The following PTPRB variants were observed in gnomAD, a reference collection of about 807,000 sequenced individuals.
The protein encoded by PTPRB is receptor-type tyrosine-protein phosphatase beta.
In PTPRB, 97 loss-of-function variants were observed where a neutral mutation model predicts 238.1. That is an observed-to-expected ratio of 0.41 (90% confidence interval 0.35 to 0.48). The LOEUF is 0.48. Among genes scored for constraint, PTPRB ranks in the 20% least tolerant of loss-of-function variants. The pLI, the probability that PTPRB is intolerant of heterozygous loss-of-function variation, is 0.30. For missense variants in PTPRB, 2,292 were observed against 2,681.9 expected, an observed-to-expected ratio of 0.85 and a Z score of 3.21; for synonymous variants, 970 against 995.4, an observed-to-expected ratio of 0.97 and a Z score of 0.48.
At chr12:70,540,796 G>T in intron 23 of PTPRB, 62 bp downstream of exon 23, 2 of 1,215,252 alleles carry the variant, frequency 1.6e-6, no homozygotes, top group Non-Finnish European at 2.3e-6. Context: ...CAGCCTAAAG[G>T]GAATTTTCAG....
At chr12:70,581,590 A>C (rs973310214) in intron 9 of PTPRB, among the ~76,000 whole-genome samples, 1 of 152,070 alleles carries the variant, frequency 6.6e-6, no homozygotes, top group Non-Finnish European at 1.5e-5. Flanking sequence ...TTAGATAATG[A>C]AGGCTGCTAT....
chr12:70,594,361 A>C, intron 6 of PTPRB, 106 bp downstream of exon 6: 5 of 1,414,244 alleles, frequency 3.5e-6, no homozygotes, highest in Non-Finnish European at 4.8e-6. Flanking sequence ...ACCTTATAAG[A>C]ATTTCAATTT....
rs186228297 is a variant in PTPRB, at chr12:70,588,355, C to T, written c.2051-1088G>A. 5.4e-3 allele frequency among the ~76,000 whole-genome samples: 820 copies of T among 151,950 alleles called. 7 individuals carry two copies. Among genetic ancestry groups the T allele is most frequent in the African/African-American group, 0.017 (699 of 41,474 alleles). ...GACACAGTTTAAGAAAAGTTTGGGC[C>T]GGGTGCAGTGCCTCATGCCAGTAAT... On this transcript the variant is annotated intron_variant, in intron 8 of 33. Transcript: ENST00000334414.
At chr12:70,614,769 CTGAGT>C (rs1884606100) in intron 3 of PTPRB, among the ~76,000 whole-genome samples, 1 of 152,170 alleles carries the variant, frequency 6.6e-6, no homozygotes, top group Non-Finnish European at 1.5e-5. Flanking sequence ...AAATCCTTTT[CTGAGT>C]TTTACTTCGA....
At chr12:70,534,754 G>C in intron 30 of PTPRB, 79 bp downstream of exon 30, 2 of 1,600,436 alleles carry the variant, frequency 1.2e-6, no homozygotes, top group Non-Finnish European at 1.7e-6. Context: ...AACTACAAGA[G>C]AGGAACCAGC....
intron 9 of PTPRB, among the ~76,000 whole-genome samples, chr12:70,584,511 A>T (rs1881692921): frequency 6.6e-6 from 1 of 152,230 alleles, no homozygotes; most frequent in Non-Finnish European, 1.5e-5. Context: ...AGTCATAGCA[A>T]ACAGACTCAT....
intron 2 of PTPRB, among the ~76,000 whole-genome samples, chr12:70,633,084 CA>C (rs1161794191): frequency 6.6e-6 from 1 of 152,100 alleles, no homozygotes; most frequent in East Asian, 1.9e-4. Context: ...GAAGAACACA[CA>C]AAAAAATTCA....
At chr12:70,593,961 A>G (rs1409177859) in intron 6 of PTPRB, among the ~76,000 whole-genome samples, 1 of 152,238 alleles carries the variant, frequency 6.6e-6, no homozygotes, top group African/African-American at 2.4e-5. Flanking sequence ...GAAAGTTTGT[A>G]TAAATTACTC....
At chr12:70,561,020 C>T in intron 16 of PTPRB, 86 bp from the exon 17 acceptor site, 2 of 1,374,012 alleles carry the variant, frequency 1.5e-6, no homozygotes, top group Middle Eastern at 1.8e-4. Context: ...CTATGTTGGG[C>T]ATGTGGGTGA....
chr12:70,618,635 T>C (rs1323739053), intron 3 of PTPRB, among the ~76,000 whole-genome samples: 1 of 152,240 alleles, frequency 6.6e-6, no homozygotes, highest in Non-Finnish European at 1.5e-5. Flanking sequence ...TAATAAGTTC[T>C]GGGACTAGGG....
At position 70,560,117 on chromosome 12, in the gene PTPRB, A is replaced by T. The variant is rs1166293357; in HGVS notation, c.4433-493T>A. On this transcript the variant is annotated intron_variant, in intron 17 of 33. Coordinates refer to ENST00000334414, the MANE Select transcript of PTPRB (RefSeq NM_001109754.4). The surrounding 1 kb of genome is among the most constrained non-coding windows in gnomAD (Gnocchi z 4.2). ...CTCCCAAAGTACTGGGATTATAGGCATGAGCCACGGTGCCCAGCCTCATAT... is the reference window on the plus strand; with the variant it reads ...CTCCCAAAGTACTGGGATTATAGGCTTGAGCCACGGTGCCCAGCCTCATAT... Among the ~76,000 whole-genome samples the T allele has an allele frequency of 1.3e-5, 2 of 152,166 alleles. No homozygotes were observed. The highest frequency in any genetic ancestry group is 6.5e-5 in the Admixed American group (1 of 15,274).
chr12:70,622,496 C>A lies in PTPRB; in HGVS notation c.602G>T (p.Ser201Ile), dbSNP rs925585664. Residue 201 changes from serine (S) to isoleucine (I), a missense_variant, in exon 3 of 34, where the codon AGC becomes ATC. Physicochemically the swap from Ser to Ile is moderately radical, Grantham distance 142. Around this residue, in one of 4 missense-constraint regions of PTPRB, gnomAD observed 1,205 missense variants for 1,287.8 expected, o/e 0.94. Transcript: ENST00000334414. ...ATGCTGCCTCTCGCTGCTGTTTTGGCTGTAGTTTTCTGCAGCATTTCTGAT... is the reference window on the plus strand; with the variant it reads ...ATGCTGCCTCTCGCTGCTGTTTTGGATGTAGTTTTCTGCAGCATTTCTGAT... ...AFIRNAAENY[S>I]QNSSERQHPN... 6.2e-7 allele frequency: 1 copy of A among 1,613,480 alleles called. No individual in the cohort carries two copies. The highest frequency in any genetic ancestry group is 2.2e-5 in the East Asian group (1 of 44,862).
intron 3 of PTPRB, chr12:70,609,974 C>T (rs934101092): frequency 1.1e-4 from 50 of 469,510 alleles, no homozygotes; most frequent in Admixed American, 2.3e-4. Context: ...CTGCGGCCAC[C>T]GCTGCTGCTG....
In PTPRB at chr12:70,596,090, C is replaced by A; in HGVS notation, c.1217G>T (p.Gly406Val). 1 of 1,612,006 alleles carries A rather than the reference C, an allele frequency of 6.2e-7. No homozygotes were observed. Among genetic ancestry groups the A allele is most frequent in the Non-Finnish European group, 8.5e-7 (1 of 1,178,506 alleles). The change falls in exon 5 of 34, where the codon GGA (glycine) becomes GTA (valine). Residue 406 changes from glycine to valine, a missense_variant. Transcript: ENST00000334414. ...ATAAACTGAAAAAGAACGTTTTCCT[C>A]CAGAAACAGCTGTGATGGCAATATT... ...KYNIAITAVS[G>V]GKRSFSVYTN...
rs140749789 is a variant in PTPRB, at chr12:70,624,638, T to A, written c.452-1992A>T. On this transcript the variant is annotated intron_variant, in intron 2 of 33. Coordinates refer to ENST00000334414, the MANE Select transcript of PTPRB (RefSeq NM_001109754.4). ...GTAGGGATGTAAACATTTCTGTATA[T>A]GCAGATTAGCATTTTGGTTGTTTTG... Among the ~76,000 whole-genome samples, 9 of 152,328 alleles carry A rather than the reference T, an allele frequency of 5.9e-5. No homozygotes were observed. In the East Asian group the frequency reaches 1.7e-3, roughly 29 times the overall value.
At position 70,590,073 on chromosome 12, in the gene PTPRB, T is replaced by C; in HGVS notation, c.1941A>G (p.Thr647=). 6.2e-7 allele frequency: 1 copy of C among 1,613,996 alleles called. No homozygotes were observed. Among genetic ancestry groups the C allele is most frequent in the Non-Finnish European group, 8.5e-7 (1 of 1,179,876 alleles). The part of the protein sequence containing the change: ...LLNITVGKEE[T]QYVMDDTGLV... ...GCCCCGTGTCATCCATGACATACTG[T>C]GTTTCTTCCTTTCCCACAGTGATGT... is the stretch of plus-strand genomic sequence containing the variant. The change falls in exon 8 of 34, where the codon ACA becomes ACG. Residue 647 remains threonine (T), a synonymous_variant. Coordinates refer to ENST00000334414, the MANE Select transcript of PTPRB (RefSeq NM_001109754.4).
chr12:70,633,555 A>G (rs542719725), intron 2 of PTPRB, among the ~76,000 whole-genome samples: 6 of 152,340 alleles, frequency 3.9e-5, no homozygotes, highest in African/African-American at 1.4e-4. Context: ...AAGCAAAAGT[A>G]TGTGTTATAC....
At chr12:70,535,858 C>T (rs1874048137) in intron 29 of PTPRB, among the ~76,000 whole-genome samples, 167 bp downstream of exon 29, 1 of 152,206 alleles carries the variant, frequency 6.6e-6, no homozygotes, top group African/African-American at 2.4e-5. Flanking sequence ...AATCAGGCAT[C>T]ACTTGGGTTT....
intron 20 of PTPRB, among the ~76,000 whole-genome samples, chr12:70,554,223 C>A (rs1877312262): frequency 6.6e-6 from 1 of 152,178 alleles, no homozygotes; most frequent in South Asian, 2.1e-4. Context: ...TACCCATTGG[C>A]CTAGAAACTC....
Sources: allele counts gnomAD v4.1 joint callset (sites outside exome capture counted in the v4.1 genomes callset), GRCh38; gene constraint gnomAD v4.1.1; regional missense constraint gnomAD v4.1.1; non-coding constraint Gnocchi (gnomAD v3.1); transcripts MANE v1.5; gene names NCBI Gene and HGNC (gene_info 2026-07-23, HGNC 2026-07-21).